The following ERCC6 variants were observed in gnomAD, a reference collection of about 807,000 sequenced individuals.
The protein encoded by ERCC6 is DNA excision repair protein ERCC-6.
ERCC6 carries 116 observed loss-of-function variants against 158.7 expected under a neutral mutation model. The ratio of observed to expected loss-of-function variants is 0.73; its 90% CI spans 0.63 to 0.85. ERCC6 has a LOEUF of 0.85. Among genes scored for constraint, ERCC6 ranks in the 40% least tolerant of loss-of-function variants. ERCC6 has a pLI of 0.00. For missense variants in ERCC6, 1,698 were observed against 1,799.4 expected, an observed-to-expected ratio of 0.94 and a Z score of 1.02; for synonymous variants, 678 against 659.3, an observed-to-expected ratio of 1.03 and a Z score of -0.43.
chr10:49,516,066 A>G (rs373764035), intron 5 of ERCC6: 1 of 1,614,066 alleles, frequency 6.2e-7, no homozygotes, highest in African/African-American at 1.3e-5. Flanking sequence ...GTTATTGAAT[A>G]CAAAATGGTA....
At chr10:49,521,868 TAGTA>T (rs886139761) in intron 5 of ERCC6, among the ~76,000 whole-genome samples, 7 of 152,080 alleles carry the variant, frequency 4.6e-5, no homozygotes, top group East Asian at 1.9e-4. Context: ...GGAAAATTCC[TAGTA>T]AGTATCAGCT....
rs746061767 is a variant in ERCC6 at position 49,482,914 on chromosome 10, G to A, written c.1993-51C>T. ...TTATTAAATTTACCTTTTAGCAATC[G>A]CCATTCCTACCCTAAAACGCTCCTC... On this transcript the variant is annotated intron_variant, in intron 9 of 20. Coordinates refer to ENST00000355832, the MANE Select transcript of ERCC6 (RefSeq NM_000124.4). 5.0e-6 allele frequency: 8 copies of A among 1,593,674 alleles called. No homozygotes were observed. In the East Asian group the frequency reaches 6.7e-5, roughly 13 times the overall value.
In ERCC6 at chr10:49,505,297, T is replaced by G. The variant is rs116267514; in HGVS notation, c.1526+587A>C. 2.0e-5 allele frequency: 3 copies of G among 152,870 alleles called. No homozygotes were observed. In the East Asian group the frequency reaches 5.7e-4, roughly 29 times the overall value. 9.5% of individuals were successfully genotyped at this position (152,870 alleles called of 1,614,324 possible). ...CCGGTCATCTCCAATGCTTGGCCAC[T>G]TACACATGAAACCTGGCTTCAAATA... On this transcript the variant is annotated intron_variant, in intron 6 of 20. Coordinates refer to ENST00000355832, the MANE Select transcript of ERCC6 (RefSeq NM_000124.4).
rs188701457 is a variant in ERCC6, at chr10:49,475,835, C to T, written c.2382+380G>A. On this transcript the variant is annotated intron_variant, in intron 12 of 20. Transcript: ENST00000355832. The stretch of plus-strand genomic sequence containing the variant: ...AGGAAGCTGATGAAAGTTATGAATC[C>T]TCATGATCCTCTCCACAAGATATAT... 2.6e-4 allele frequency among the ~76,000 whole-genome samples: 40 copies of T among 152,224 alleles called. No individual in the cohort carries two copies. The South Asian group carries it at 2.9e-3, about 11-fold the overall frequency.
intron 5 of ERCC6, among the ~76,000 whole-genome samples, chr10:49,522,627 CTGATA>C (rs1447716050): frequency 6.6e-6 from 1 of 152,104 alleles, no homozygotes; most frequent in East Asian, 1.9e-4. Context: ...GATCAAAATA[CTGATA>C]TATTTTAAAC....
chr10:49,501,227 C>A (rs1294580894), intron 6 of ERCC6: 1 of 157,588 alleles, frequency 6.3e-6, no homozygotes, highest in Non-Finnish European at 1.4e-5. Context: ...AATTTTAAGG[C>A]CATAAACAAG....
At chr10:49,535,186 A>C (rs1837568749) in intron 1 of ERCC6, among the ~76,000 whole-genome samples, 1 of 152,246 alleles carries the variant, frequency 6.6e-6, no homozygotes, top group Non-Finnish European at 1.5e-5. Flanking sequence ...CAGTGAATTC[A>C]GTCACAAAAA....
chr10:49,499,846 A>T (rs1022754624), intron 7 of ERCC6, among the ~76,000 whole-genome samples: 1 of 152,210 alleles, frequency 6.6e-6, no homozygotes, highest in Admixed American at 6.5e-5. Context: ...TTCTAAAGAG[A>T]ATAAAGATTA....
chr10:49,470,219 A>G lies in ERCC6; in HGVS notation c.3741T>C (p.Asn1247=), dbSNP rs1258521189. ...ENKSEAKEQS[N]DDYVLEKLFK... is the part of the protein sequence containing the mutation. ...AAAGCTTTTCCAAAACATAATCGTC[A>G]TTGCTCTGTTCCTTGGCCTCACTCT... Residue 1247 remains asparagine, a synonymous_variant, in exon 18 of 21, where the codon AAT becomes AAC. Coordinates refer to ENST00000355832, the MANE Select transcript of ERCC6 (RefSeq NM_000124.4). 1 of 1,614,146 alleles carries G rather than the reference A, an allele frequency of 6.2e-7. No individual in the cohort carries two copies. The highest frequency in any genetic ancestry group is 1.6e-4 in the Middle Eastern group (1 of 6,062).
intron 8 of ERCC6, among the ~76,000 whole-genome samples, chr10:49,489,962 A>ATTG (rs1405378850): frequency 6.6e-6 from 1 of 152,170 alleles, no homozygotes; most frequent in Non-Finnish European, 1.5e-5. Flanking sequence ...TGCAGTGTTT[A>ATTG]TTGTTGTTTT....
chr10:49,455,165 A>T lies in ERCC6; in HGVS notation c.*3650T>A, dbSNP rs1850465332. 6.6e-6 allele frequency among the ~76,000 whole-genome samples: 1 copy of T among 152,182 alleles called. No homozygotes were observed. ...GTAAGTTAAAAGACTCACAACCAAA[A>T]CTAAAAATCTATAAAACACCTAGGA... On this transcript the variant is annotated 3_prime_UTR_variant, in exon 21 of 21. Coordinates refer to ENST00000355832, the MANE Select transcript of ERCC6 (RefSeq NM_000124.4).
At chr10:49,512,469 T>C (rs768017892) in intron 5 of ERCC6, among the ~76,000 whole-genome samples, 9 of 152,242 alleles carry the variant, frequency 5.9e-5, no homozygotes, top group Non-Finnish European at 1.2e-4. Context: ...CTTCCCAATA[T>C]TGATACTGTA....
At chr10:49,442,074 G>A in the ERCC6 span, among the ~76,000 whole-genome samples, 3 of 152,332 alleles carry the variant, frequency 2.0e-5, no homozygotes, top group African/African-American at 7.2e-5. Context: ...GGGGGAAGGG[G>A]TGGGGGCCTG....
intron 5 of ERCC6, chr10:49,516,809 T>A (rs1590458575): frequency 1.2e-6 from 2 of 1,614,134 alleles, no homozygotes; most frequent in East Asian, 2.2e-5. Flanking sequence ...TCCTCCTCCT[T>A]GATGGTGGAG....
the ERCC6 span, among the ~76,000 whole-genome samples, chr10:49,438,636 T>C: frequency 2.0e-5 from 3 of 151,802 alleles, no homozygotes; most frequent in Non-Finnish European, 2.9e-5. Flanking sequence ...TTCCCAACAG[T>C]CCCCCAAAGT....
chr10:49,509,537 C>T (rs1216701653), intron 5 of ERCC6, among the ~76,000 whole-genome samples: 1 of 152,104 alleles, frequency 6.6e-6, no homozygotes, highest in Non-Finnish European at 1.5e-5. Context: ...CAGATGGTAC[C>T]TGCTGGAATA....
intron 5 of ERCC6, among the ~76,000 whole-genome samples, chr10:49,518,203 A>G (rs1590461957): frequency 6.6e-6 from 1 of 152,232 alleles, no homozygotes; most frequent in Non-Finnish European, 1.5e-5. Context: ...TTCTCAGGGC[A>G]CTGCCTTTAG....
At chr10:49,483,689 T>A (rs1851022207) in intron 8 of ERCC6, among the ~76,000 whole-genome samples, 173 bp from the exon 9 acceptor site, 1 of 152,072 alleles carries the variant, frequency 6.6e-6, no homozygotes. Flanking sequence ...TAGTAAACGC[T>A]GACTAATACA....
At chr10:49,481,307 G>A (rs1023530116) in intron 10 of ERCC6, among the ~76,000 whole-genome samples, 6 of 152,028 alleles carry the variant, frequency 3.9e-5, no homozygotes, top group African/African-American at 1.4e-4. Context: ...GCAACTTTCT[G>A]TTAAGTTTGA....
Sources: allele counts gnomAD v4.1 joint callset (sites outside exome capture counted in the v4.1 genomes callset), GRCh38; gene constraint gnomAD v4.1.1; transcripts MANE v1.5; gene names NCBI Gene and HGNC (gene_info 2026-07-23, HGNC 2026-07-21).